SLC1A1: variants seen among roughly 807,000 people sequenced by gnomAD.
SLC1A1 encodes the protein excitatory amino acid transporter 3.
A neutral mutation model predicts 53.3 loss-of-function variants in SLC1A1; 43 were observed. The observed-to-expected ratio is 0.81, with a 90% CI of 0.63 to 1.04. The LOEUF (loss-of-function observed/expected upper bound fraction) is 1.04. Ranked by LOEUF, SLC1A1 falls within the 50% of genes least tolerant of loss-of-function variation. SLC1A1 has a pLI of 0.00. For missense variants in SLC1A1, 748 were observed against 664.9 expected, an observed-to-expected ratio of 1.12 and a Z score of -1.37; for synonymous variants, 307 against 243.2, an observed-to-expected ratio of 1.26 and a Z score of -2.44.
chr9:4,554,941 C>T (rs1818236568), intron 2 of SLC1A1, among the ~76,000 whole-genome samples: 1 of 152,230 alleles, frequency 6.6e-6, no homozygotes, highest in Non-Finnish European at 1.5e-5. Context: ...TTACTAAGAA[C>T]ACACTGTGTT....
At chr9:4,584,736 A>C (rs1396822013) in intron 11 of SLC1A1, among the ~76,000 whole-genome samples, 6 of 152,296 alleles carry the variant, frequency 3.9e-5, no homozygotes, top group African/African-American at 1.4e-4. Context: ...AGGGTGGCCC[A>C]CAGAGAAATC....
intron 6 of SLC1A1, among the ~76,000 whole-genome samples, chr9:4,570,674 A>G (rs1403360571): frequency 2.0e-5 from 3 of 152,168 alleles, no homozygotes; most frequent in Non-Finnish European, 4.4e-5. Context: ...CCCAGCTAAC[A>G]TAATTCTTTA....
At chr9:4,563,219 C>A (rs116703415) in intron 3 of SLC1A1, among the ~76,000 whole-genome samples, 1 of 151,268 alleles carries the variant, frequency 6.6e-6, no homozygotes, top group Non-Finnish European at 1.5e-5. Flanking sequence ...AGCAGCTCGG[C>A]CCTTGTAGCC....
intron 1 of SLC1A1, among the ~76,000 whole-genome samples, chr9:4,531,653 C>G (rs1816474378): frequency 6.6e-6 from 1 of 152,172 alleles, no homozygotes; most frequent in Admixed American, 6.5e-5. Context: ...AAACAAAAGG[C>G]AGCAGAATCC....
chr9:4,522,042 CTTTTTTT>C (rs796721359), intron 1 of SLC1A1, among the ~76,000 whole-genome samples: 1 of 88,448 alleles, frequency 1.1e-5, no homozygotes, highest in Admixed American at 1.2e-4. Context: ...GAACCTGCCT[CTTTTTTT>C]TTTTCTTTTT....
In SLC1A1 at chr9:4,583,657, A is replaced by T. The variant is rs765567086; in HGVS notation, c.1328+485A>T. On this transcript the variant is annotated intron_variant, in intron 11 of 11. Transcript: ENST00000262352. This position sits in a 1 kb window ranked among gnomAD's most constrained non-coding sequence, Gnocchi z 4.6. ...TCTTGACCTCGAGCAAGTTTCCTTA[A>T]CCTGAGGCCCAGTTGCATAATCTGT... Among the ~76,000 whole-genome samples the T allele has an allele frequency of 6.6e-5, 10 of 152,034 alleles. No homozygotes were observed. The highest frequency in any genetic ancestry group is 9.7e-5 in the African/African-American group (4 of 41,388).
At chr9:4,584,305 G>A (rs1047961495) in intron 11 of SLC1A1, among the ~76,000 whole-genome samples, 4 of 152,222 alleles carry the variant, frequency 2.6e-5, no homozygotes, top group Non-Finnish European at 5.9e-5. Context: ...GCCCAAATGA[G>A]GTGGCACCCT....
chr9:4,533,783 T>A (rs150443309), intron 1 of SLC1A1, among the ~76,000 whole-genome samples: 3,678 of 151,794 alleles, frequency 0.024, 155 homozygotes, highest in African/African-American at 0.085. Flanking sequence ...ACCACACCTA[T>A]TCCAAAATTG....
In SLC1A1 at chr9:4,556,917, C is replaced by CACA. The variant is rs564964253; in HGVS notation, c.233-4518_233-4516dup. 1.0e-3 allele frequency among the ~76,000 whole-genome samples: 154 copies of CACA among 152,084 alleles called. No homozygotes were observed. In the East Asian group the frequency reaches 0.016, roughly 16 times the overall value. ...AAAACGGCTTTGGGGGGTGGTTTTGCACAACAACAACAACAATAAAACAAG... is the reference window on the plus strand; with the variant it reads ...AAAACGGCTTTGGGGGGTGGTTTTGCACAACAACAACAACAACAATAAAACAAG... On this transcript the variant is annotated intron_variant, in intron 2 of 11. Transcript: ENST00000262352. This position sits in a 1 kb window ranked among gnomAD's most constrained non-coding sequence, Gnocchi z 4.1.
At chr9:4,580,585 A>G (rs1337456044) in intron 10 of SLC1A1, among the ~76,000 whole-genome samples, 1 of 60,530 alleles carries the variant, frequency 1.7e-5, no homozygotes, top group Non-Finnish European at 3.5e-5. Flanking sequence ...TGTCTCTGGA[A>G]AAAAAAAAAA....
chr9:4,557,467 C>T (rs988343512), intron 2 of SLC1A1, among the ~76,000 whole-genome samples: 1 of 152,192 alleles, frequency 6.6e-6, no homozygotes, highest in South Asian at 2.1e-4. Context: ...TAGCCATTAG[C>T]CACGTGTGGC....
intron 5 of SLC1A1, among the ~76,000 whole-genome samples, chr9:4,566,592 A>G (rs1409238219): frequency 6.6e-6 from 1 of 152,166 alleles, no homozygotes; most frequent in Admixed American, 6.5e-5. Flanking sequence ...TCACACCTGT[A>G]ATCCCAGCAC....
chr9:4,506,989 C>A (rs977656974), intron 1 of SLC1A1, among the ~76,000 whole-genome samples: 1 of 152,000 alleles, frequency 6.6e-6, no homozygotes, highest in African/African-American at 2.4e-5. Context: ...CCCAGCACTT[C>A]GGGAGGCCGA....
At chr9:4,525,564 C>G (rs1229292822) in intron 1 of SLC1A1, among the ~76,000 whole-genome samples, 2 of 151,882 alleles carry the variant, frequency 1.3e-5, no homozygotes, top group Non-Finnish European at 2.9e-5. Flanking sequence ...ATAGAACAGT[C>G]TGAAATAATA....
At chr9:4,536,871 T>G (rs1348963572) in intron 1 of SLC1A1, among the ~76,000 whole-genome samples, 4 of 151,980 alleles carry the variant, frequency 2.6e-5, no homozygotes, top group Non-Finnish European at 4.4e-5. Context: ...CCATAAAAAA[T>G]GATGAGTTCA....
chr9:4,568,585 G>A, intron 6 of SLC1A1, among the ~76,000 whole-genome samples: 1 of 151,794 alleles, frequency 6.6e-6, no homozygotes, highest in Middle Eastern at 3.2e-3. Flanking sequence ...CCCAGGTGTG[G>A]TGGCACATGC....
chr9:4,527,394 T>C (rs1465679020), intron 1 of SLC1A1, among the ~76,000 whole-genome samples: 1 of 152,170 alleles, frequency 6.6e-6, no homozygotes, highest in Non-Finnish European at 1.5e-5. Flanking sequence ...TACACAGCAA[T>C]AGAAAACTAA....
chr9:4,569,637 A>G (rs918555580), intron 6 of SLC1A1, among the ~76,000 whole-genome samples: 7 of 152,220 alleles, frequency 4.6e-5, no homozygotes, highest in African/African-American at 1.4e-4. Flanking sequence ...AAGAATTCAA[A>G]TTAAATAAAC....
chr9:4,550,645 C>A (rs543192415), intron 2 of SLC1A1, among the ~76,000 whole-genome samples: 2 of 152,312 alleles, frequency 1.3e-5, no homozygotes, highest in East Asian at 1.9e-4. Context: ...CCCACCTTGG[C>A]TTCCCAAACT....
Sources: allele counts gnomAD v4.1 joint callset (sites outside exome capture counted in the v4.1 genomes callset), GRCh38; gene constraint gnomAD v4.1.1; non-coding constraint Gnocchi (gnomAD v3.1); transcripts MANE v1.5; gene names NCBI Gene and HGNC (gene_info 2026-07-23, HGNC 2026-07-21).